Variants in CNTNAP3B observed in about 807,000 individuals in gnomAD.
The protein encoded by CNTNAP3B is contactin-associated protein-like 3B.
Under a neutral mutation model 108.9 loss-of-function variants are expected in CNTNAP3B, and 25 were observed. The observed-to-expected ratio is 0.23, with a 90% confidence interval of 0.17 to 0.32. The LOEUF is 0.32. CNTNAP3B is among the 10% of genes least tolerant of loss of function. The pLI is 1.00. For missense variants in CNTNAP3B, 252 were observed against 1,210.4 expected (o/e 0.21, Z 11.75); for synonymous variants, 103 against 473.4 (o/e 0.22, Z 10.16).
chr9:42,026,895 C>A (rs1466711308), intron 3 of CNTNAP3B, among the ~76,000 whole-genome samples: 1 of 123,182 alleles, frequency 8.1e-6, no homozygotes, highest in Admixed American at 8.2e-5. Flanking sequence ...AGCAAACAGT[C>A]GGGGTCTCTT....
At chr9:42,038,085 A>AT (rs1259855151) in intron 3 of CNTNAP3B, among the ~76,000 whole-genome samples, 2 of 107,964 alleles carry the variant, frequency 1.9e-5, no homozygotes, top group Non-Finnish European at 3.7e-5. Flanking sequence ...ATGCTGAGAG[A>AT]TTTTGTCACC....
At chr9:42,019,713 A>G (rs1445886331) in intron 3 of CNTNAP3B, among the ~76,000 whole-genome samples, 1 of 148,706 alleles carries the variant, frequency 6.7e-6, no homozygotes, top group African/African-American at 2.5e-5. Flanking sequence ...GTGAGCCAAG[A>G]TTGCACCACT....
chr9:41,947,868 A>G (rs1377495257), intron 13 of CNTNAP3B, among the ~76,000 whole-genome samples: 5 of 152,252 alleles, frequency 3.3e-5, no homozygotes, highest in African/African-American at 1.2e-4. Flanking sequence ...CATCAAACGA[A>G]TAATAAGAAA....
intron 3 of CNTNAP3B, among the ~76,000 whole-genome samples, chr9:42,023,352 T>C (rs1336368860): frequency 2.6e-5 from 4 of 151,852 alleles, no homozygotes; most frequent in African/African-American, 9.7e-5. Context: ...CTCGGTTGAA[T>C]TCCTTCTTCT....
chr9:41,990,389 A>G (rs1825783716), intron 8 of CNTNAP3B, among the ~76,000 whole-genome samples: 1 of 129,534 alleles, frequency 7.7e-6, no homozygotes, highest in Admixed American at 8.0e-5. Flanking sequence ...TCTCCTCTGA[A>G]TATCTGTTTT....
chr9:42,051,744 G>A (rs1826963675), intron 3 of CNTNAP3B, among the ~76,000 whole-genome samples: 1 of 150,630 alleles, frequency 6.6e-6, no homozygotes, highest in Non-Finnish European at 1.5e-5. Flanking sequence ...TTTTGGAGAA[G>A]CAAGGATGGA....
At chr9:41,960,244 C>T (rs747602853) in intron 12 of CNTNAP3B, 15 of 165,122 alleles carry the variant, frequency 9.1e-5, no homozygotes, top group African/African-American at 1.9e-4. Context: ...GTGATCTGCC[C>T]GCCTTGGCCT....
At chr9:42,119,512 G>A (rs1433303477) in intron 1 of CNTNAP3B, among the ~76,000 whole-genome samples, 23 of 122,164 alleles carry the variant, frequency 1.9e-4, no homozygotes, top group South Asian at 5.6e-4. Flanking sequence ...AAAAGAGCCC[G>A]CATTGCCAAG....
At chr9:41,932,020 G>A (rs1040714252) in intron 14 of CNTNAP3B, among the ~76,000 whole-genome samples, 7 of 152,138 alleles carry the variant, frequency 4.6e-5, no homozygotes, top group Non-Finnish European at 5.9e-5. Flanking sequence ...AAAGTCTGGT[G>A]TTTTCATTCT....
chr9:41,933,616 A>T (rs1331227141), intron 14 of CNTNAP3B, among the ~76,000 whole-genome samples: 1 of 152,290 alleles, frequency 6.6e-6, no homozygotes, highest in Non-Finnish European at 1.5e-5. Flanking sequence ...ATACTGACTG[A>T]CCATAAATTC....
chr9:41,993,826 T>C (rs1211720557), intron 7 of CNTNAP3B: 1 of 115,240 alleles, frequency 8.7e-6, no homozygotes, highest in Non-Finnish European at 1.8e-5. Flanking sequence ...ATTGTAGTAA[T>C]TCTTAAAATG....
rs1178356332 is a variant in CNTNAP3B at position 41,995,740 on chromosome 9, A to G, written c.1071+465T>C. Among the ~76,000 whole-genome samples, 3 of 133,750 alleles carry G rather than the reference A, an allele frequency of 2.2e-5. 1 individual carries two copies. The highest frequency in any genetic ancestry group is 2.3e-4 in the East Asian group (1 of 4,376). 87.7% of individuals were successfully genotyped at this position (133,750 alleles called of 152,430 possible). ...AGTGAGACTCCGTCTCAAAAAAAAA[A>G]AAAAAAAAAAATTGGCCAGGCCCGG... On this transcript the variant is annotated intron_variant, in intron 7 of 23. Coordinates refer to ENST00000377561, the MANE Select transcript of CNTNAP3B (RefSeq NM_001201380.3).
At chr9:42,060,980 TTTA>T (rs1827167747) in intron 3 of CNTNAP3B, among the ~76,000 whole-genome samples, 1 of 98,786 alleles carries the variant, frequency 1.0e-5, no homozygotes, top group African/African-American at 4.3e-5. Context: ...ATGGATTTTT[TTTA>T]TTGTTTTTCT....
intron 11 of CNTNAP3B, among the ~76,000 whole-genome samples, chr9:41,961,483 C>T (rs550221722): frequency 3.1e-4 from 47 of 152,398 alleles, no homozygotes; most frequent in African/African-American, 1.1e-3. Context: ...AAGAAACCCT[C>T]ATTCTCCCTG....
At chr9:41,968,658 A>G (rs1424192912) in intron 10 of CNTNAP3B, among the ~76,000 whole-genome samples, 3 of 142,888 alleles carry the variant, frequency 2.1e-5, no homozygotes, top group Non-Finnish European at 4.6e-5. Flanking sequence ...TTTTTTTAGT[A>G]TGTCACTAAC....
At chr9:41,894,322 G>A (rs1231364891) in intron 23 of CNTNAP3B, among the ~76,000 whole-genome samples, 2 of 109,924 alleles carry the variant, frequency 1.8e-5, no homozygotes, top group Admixed American at 9.1e-5. Context: ...GAGATGGGGT[G>A]TTGCTATGTT....
chr9:42,128,488 C>A lies in CNTNAP3B; in HGVS notation c.85+522G>T, dbSNP rs200259102. On this transcript the variant is annotated intron_variant, in intron 1 of 23. Transcript: ENST00000377561. ...AGTGTTATTCCCTTAGTAGTTAGGG[C>A]AGGTTATTAATTTAGTTTCGCCTAC... 2.2e-5 allele frequency among the ~76,000 whole-genome samples: 3 copies of A among 137,440 alleles called. 1 individual carries two copies. Among genetic ancestry groups the A allele is most frequent in the African/African-American group, 5.8e-5 (2 of 34,228 alleles). The allele number at this position is 137,440 out of a possible 152,430, so 90.2% of individuals were successfully genotyped here.
rs1192536233 is a variant in CNTNAP3B, at chr9:42,098,569, C to T, written c.196+6060G>A. Among the ~76,000 whole-genome samples the T allele has an allele frequency of 2.5e-4, 14 of 55,280 alleles. 2 individuals are homozygous for T. The highest frequency in any genetic ancestry group is 1.0e-3 in the East Asian group (1 of 976). The allele number at this position is 55,280 out of a possible 152,430, so 36.3% of individuals were successfully genotyped here. ...CTGCACTCCAGCCTGGGTGACAGAG[C>T]GAGACTCTGTCTCAAAAAAAAAAAA... On this transcript the variant is annotated intron_variant, in intron 2 of 23. Transcript: ENST00000377561.
At chr9:41,973,089 C>A in intron 9 of CNTNAP3B, among the ~76,000 whole-genome samples, 1 of 140,022 alleles carries the variant, frequency 7.1e-6, no homozygotes, top group African/African-American at 2.8e-5. Flanking sequence ...AGACACGCAC[C>A]ACCATGCCCT....
Sources: allele counts gnomAD v4.1 joint callset (sites outside exome capture counted in the v4.1 genomes callset), GRCh38; gene constraint gnomAD v4.1.1; transcripts MANE v1.5; gene names NCBI Gene and HGNC (gene_info 2026-07-23, HGNC 2026-07-21).